Variants in TTLL11 observed in about 807,000 individuals in gnomAD.
The protein encoded by TTLL11 is tubulin polyglutamylase TTLL11.
Under a neutral mutation model 51.7 loss-of-function variants are expected in TTLL11, and 42 were observed. The ratio of observed to expected loss-of-function variants is 0.81; its 90% CI spans 0.64 to 1.05. The LOEUF (loss-of-function observed/expected upper bound fraction) is 1.05. TTLL11 is among the 50% of genes least tolerant of loss of function. The pLI is 0.00. For missense variants in TTLL11, 799 were observed against 940.4 expected (o/e 0.85, Z 1.97); for synonymous variants, 381 against 383.5 (o/e 0.99, Z 0.08).
At chr9:121,867,142 C>G (rs13286345) in intron 7 of TTLL11, among the ~76,000 whole-genome samples, 17,875 of 152,194 alleles carry the variant, frequency 0.12, 1,106 homozygotes, top group Admixed American at 0.14. Flanking sequence ...TAATAGGTAC[C>G]TCCTTCCTCT....
At chr9:121,834,380 G>A (rs1023403292) in intron 8 of TTLL11, among the ~76,000 whole-genome samples, 10 of 152,152 alleles carry the variant, frequency 6.6e-5, no homozygotes, top group Admixed American at 2.6e-4. Context: ...GAGCTGGTCC[G>A]GGTCCCAGCT....
At chr9:122,011,679 G>C (rs1262631312) in intron 3 of TTLL11, among the ~76,000 whole-genome samples, 2 of 152,154 alleles carry the variant, frequency 1.3e-5, no homozygotes, top group African/African-American at 2.4e-5. Flanking sequence ...CTCTCAAAAA[G>C]GAGAGAGACG....
chr9:121,977,127 G>T (rs1842729144), intron 4 of TTLL11, among the ~76,000 whole-genome samples: 1 of 152,142 alleles, frequency 6.6e-6, no homozygotes, highest in African/African-American at 2.4e-5. Context: ...TGGAGCAGGG[G>T]TGTTAAAGCC....
chr9:121,853,480 G>A lies in TTLL11; in HGVS notation c.1840+6857C>T, dbSNP rs1205911071. Among the ~76,000 whole-genome samples, 1 of 151,952 alleles carries A rather than the reference G, an allele frequency of 6.6e-6. No homozygotes were observed. Among genetic ancestry groups the A allele is most frequent in the Non-Finnish European group, 1.5e-5 (1 of 67,968 alleles). ...GGTTCCTGCAGAGGTGGGGGCCTGA[G>A]GGGGCCGGCCATTCTGGCTGGAGTG... On this transcript the variant is annotated intron_variant, in intron 8 of 8. Coordinates refer to ENST00000321582, the MANE Select transcript of TTLL11 (RefSeq NM_001139442.2). The surrounding 1 kb of genome is among the most constrained non-coding windows in gnomAD (Gnocchi z 5.6).
intron 6 of TTLL11, among the ~76,000 whole-genome samples, chr9:121,897,697 C>T (rs1839592132): frequency 6.6e-6 from 1 of 151,600 alleles, no homozygotes; most frequent in East Asian, 2.0e-4. Context: ...CAGGAGAGCC[C>T]TTAAAGGCCA....
At chr9:121,906,252 G>C (rs1247266142) in intron 6 of TTLL11, among the ~76,000 whole-genome samples, 1 of 152,056 alleles carries the variant, frequency 6.6e-6, no homozygotes, top group Non-Finnish European at 1.5e-5. Context: ...TAAACAGCCA[G>C]AATTGGAAAC....
In TTLL11 at chr9:122,048,820, C is replaced by T. The variant is rs559647140; in HGVS notation, c.463-9452G>A. Among the ~76,000 whole-genome samples the T allele has an allele frequency of 3.3e-5, 5 of 152,150 alleles. No homozygotes were observed. In the South Asian group the frequency reaches 6.2e-4, roughly 19 times the overall value. ...AGCTCTCTTTGTCTGTGGCCTCTGT[C>T]GCTACACCCATCACAGGCCATTCTG... On this transcript the variant is annotated intron_variant, in intron 1 of 8. Coordinates refer to ENST00000321582, the MANE Select transcript of TTLL11 (RefSeq NM_001139442.2).
At chr9:121,875,029 A>G (rs1289362100) in intron 6 of TTLL11, among the ~76,000 whole-genome samples, 1 of 152,148 alleles carries the variant, frequency 6.6e-6, no homozygotes, top group Admixed American at 6.5e-5. Context: ...CACTCTGTCC[A>G]ACGATGTCAT....
intron 1 of TTLL11, among the ~76,000 whole-genome samples, chr9:122,066,363 G>T (rs1845582342): frequency 6.6e-6 from 1 of 151,920 alleles, no homozygotes; most frequent in South Asian, 2.1e-4. Context: ...TTAATCAAAG[G>T]TGCAGGGGGT....
chr9:121,931,768 C>T (rs750130681), intron 6 of TTLL11, among the ~76,000 whole-genome samples: 5 of 152,030 alleles, frequency 3.3e-5, no homozygotes, highest in Non-Finnish European at 5.9e-5. Context: ...CTCCTGACAC[C>T]CTGGGTTGCC....
At chr9:122,092,090 T>G (rs980290635) in intron 1 of TTLL11, among the ~76,000 whole-genome samples, 2 of 152,186 alleles carry the variant, frequency 1.3e-5, no homozygotes, top group African/African-American at 4.8e-5. Flanking sequence ...ATTGCAGACT[T>G]GTGCTATAAA....
At chr9:122,022,172 A>G (rs1450866916) in intron 3 of TTLL11, among the ~76,000 whole-genome samples, 1 of 152,166 alleles carries the variant, frequency 6.6e-6, no homozygotes, top group East Asian at 1.9e-4. Context: ...GTACGTAATT[A>G]GAGTGAAGTA....
chr9:121,870,853 T>C (rs1838334324), intron 6 of TTLL11, 105 bp from the exon 7 acceptor site: 2 of 1,297,422 alleles, frequency 1.5e-6, no homozygotes, highest in African/African-American at 3.0e-5. Context: ...CATTTTTTAT[T>C]TTACAGACAG....
intron 6 of TTLL11, among the ~76,000 whole-genome samples, chr9:121,973,194 C>G (rs1427706155): frequency 6.6e-6 from 1 of 152,200 alleles, no homozygotes; most frequent in Non-Finnish European, 1.5e-5. Flanking sequence ...TATCCACCAA[C>G]AGCGCAATGT....
At chr9:121,884,461 T>C (rs1232382631) in intron 6 of TTLL11, among the ~76,000 whole-genome samples, 1 of 152,036 alleles carries the variant, frequency 6.6e-6, no homozygotes, top group African/African-American at 2.4e-5. Context: ...ACCTACCCCG[T>C]CCTGCCAAAC....
chr9:121,872,004 A>G (rs1838376641), intron 6 of TTLL11, among the ~76,000 whole-genome samples: 1 of 152,234 alleles, frequency 6.6e-6, no homozygotes, highest in East Asian at 1.9e-4. Flanking sequence ...CATGTTATAC[A>G]TGGTCAGTAA....
intron 1 of TTLL11, among the ~76,000 whole-genome samples, chr9:122,062,847 A>T (rs1845474136): frequency 6.6e-6 from 1 of 151,216 alleles, no homozygotes; most frequent in African/African-American, 2.4e-5. Flanking sequence ...TGGCACAATT[A>T]CTGTTCGCCG....
Position 121,989,212 on chromosome 9 carries a change from C to T in TTLL11, c.1252G>A (p.Gly418Ser). ...ATGGTTACCTGGAAGCACGTGGGGCCCGGCCTCCCCGTGGGGATGTCTGAC... is the reference window on the plus strand; with the variant it reads ...ATGGTTACCTGGAAGCACGTGGGGCTCGGCCTCCCCGTGGGGATGTCTGAC... ...YQSDIPTGRP[G>S]PTCFQILGFD... Residue 418 changes from glycine to serine, a missense_variant, in exon 4 of 9, where the codon GGC (glycine) becomes AGC (serine). Gly to Ser is a moderately conservative substitution (Grantham distance 56). Coordinates refer to ENST00000321582, the MANE Select transcript of TTLL11 (RefSeq NM_001139442.2). The surrounding 1 kb of genome is among the most constrained non-coding windows in gnomAD (Gnocchi z 4.2). The T allele has an allele frequency of 6.2e-7, 1 of 1,613,956 alleles. No individual in the cohort carries two copies. Among genetic ancestry groups the T allele is most frequent in the Non-Finnish European group, 8.5e-7 (1 of 1,179,890 alleles).
chr9:121,868,101 G>A (rs921011294), intron 7 of TTLL11, among the ~76,000 whole-genome samples: 1 of 152,090 alleles, frequency 6.6e-6, no homozygotes, highest in Non-Finnish European at 1.5e-5. Flanking sequence ...AGGCTGGGGA[G>A]GGCCAAGGAA....
Sources: allele counts gnomAD v4.1 joint callset (sites outside exome capture counted in the v4.1 genomes callset), GRCh38; gene constraint gnomAD v4.1.1; non-coding constraint Gnocchi (gnomAD v3.1); transcripts MANE v1.5; gene names NCBI Gene and HGNC (gene_info 2026-07-23, HGNC 2026-07-21).